The following RGS6 variants were observed in gnomAD, a reference collection of about 807,000 sequenced individuals.
RGS6 encodes regulator of G protein signaling 6.
Under a neutral mutation model 78.5 loss-of-function variants are expected in RGS6, and 30 were observed. The ratio of observed to expected loss-of-function variants is 0.38; its 90% CI spans 0.29 to 0.52. The LOEUF is 0.52. RGS6 is among the 20% of genes least tolerant of loss of function. The probability of loss-of-function intolerance (pLI) is 0.85; values close to 1 mark genes in which losing one functional copy is unlikely to be tolerated. For missense variants in RGS6, 495 were observed against 609.7 expected (o/e 0.81, Z 1.98); for synonymous variants, 206 against 206.0 (o/e 1.00, Z 0.00).
intron 2 of RGS6, among the ~76,000 whole-genome samples, chr14:72,050,794 G>GTATAGGGAGGGCTGACTTTGCGCA (rs1379958285): frequency 6.6e-6 from 1 of 152,210 alleles, no homozygotes; most frequent in Admixed American, 6.5e-5. Flanking sequence ...CAAAGCCTGT[G>GTATAGGGAGGGCTGACTTTGCGCA]TATAGGGAGG....
chr14:72,346,182 G>A (rs960817693), intron 2 of RGS6, among the ~76,000 whole-genome samples: 1 of 152,120 alleles, frequency 6.6e-6, no homozygotes, highest in Admixed American at 6.5e-5. Context: ...AGTTGTGGTA[G>A]ATTTTTTTAA....
At chr14:72,082,736 A>G (rs557975613) in intron 2 of RGS6, among the ~76,000 whole-genome samples, 93 of 152,256 alleles carry the variant, frequency 6.1e-4, no homozygotes, top group Non-Finnish European at 1.1e-3. Context: ...AATGATGGGA[A>G]AAAAACCGGA....
At chr14:72,075,199 C>T (rs1054726650) in intron 2 of RGS6, among the ~76,000 whole-genome samples, 6 of 152,156 alleles carry the variant, frequency 3.9e-5, no homozygotes, top group South Asian at 2.1e-4. Flanking sequence ...TTAGAAAACT[C>T]GCCCATTTTC....
At chr14:72,398,452 AT>A (rs1173420141) in intron 3 of RGS6, among the ~76,000 whole-genome samples, 1 of 151,518 alleles carries the variant, frequency 6.6e-6, no homozygotes, top group East Asian at 1.9e-4. Flanking sequence ...TTTCTTCTTT[AT>A]TAGTCTTGCT....
At chr14:72,410,484 A>G (rs190233818) in intron 3 of RGS6, among the ~76,000 whole-genome samples, 10 of 152,164 alleles carry the variant, frequency 6.6e-5, no homozygotes, top group East Asian at 1.9e-4. Flanking sequence ...TGTCAGATGA[A>G]TAGGTTGCAA....
At chr14:72,440,414 CTT>C (rs60589205) in intron 3 of RGS6, among the ~76,000 whole-genome samples, 54 of 131,912 alleles carry the variant, frequency 4.1e-4, no homozygotes, top group South Asian at 1.2e-3. Flanking sequence ...ACCTACACTT[CTT>C]TTTTTTTTTT....
chr14:72,047,740 T>G (rs1279998034), intron 2 of RGS6, among the ~76,000 whole-genome samples: 1 of 152,022 alleles, frequency 6.6e-6, no homozygotes, highest in Admixed American at 6.6e-5. Context: ...TTTTTCTTTT[T>G]TTTTGAGATG....
chr14:71,955,289 C>G (rs1019266779), intron 1 of RGS6, among the ~76,000 whole-genome samples: 4 of 152,110 alleles, frequency 2.6e-5, no homozygotes, highest in Non-Finnish European at 5.9e-5. Flanking sequence ...TATTAACCAT[C>G]TAATTAAGAG....
At chr14:72,043,695 C>T (rs999235520) in intron 2 of RGS6, among the ~76,000 whole-genome samples, 3 of 152,106 alleles carry the variant, frequency 2.0e-5, no homozygotes, top group Non-Finnish European at 2.9e-5. Flanking sequence ...TATGATAGCC[C>T]AGGTGTAGGT....
intron 2 of RGS6, among the ~76,000 whole-genome samples, chr14:72,017,710 G>A (rs1335902943): frequency 6.6e-6 from 1 of 152,144 alleles, no homozygotes; most frequent in Non-Finnish European, 1.5e-5. Flanking sequence ...GTGCCACCAA[G>A]AATAAGTGCT....
chr14:72,124,560 T>G (rs949449826), intron 2 of RGS6, among the ~76,000 whole-genome samples: 6 of 152,236 alleles, frequency 3.9e-5, no homozygotes, highest in African/African-American at 9.6e-5. Context: ...AAATATAATT[T>G]AATCTATTAA....
At chr14:72,276,013 G>A (rs186360418) in intron 2 of RGS6, among the ~76,000 whole-genome samples, 62 of 152,300 alleles carry the variant, frequency 4.1e-4, no homozygotes, top group Non-Finnish European at 7.2e-4. Context: ...AGAATTGGGG[G>A]AAGGAGGCAC....
At chr14:71,900,032 T>C in the RGS6 span, among the ~76,000 whole-genome samples, 1 of 152,240 alleles carries the variant, frequency 6.6e-6, no homozygotes, top group East Asian at 1.9e-4. Context: ...GACTCCTCTG[T>C]AGCGGAGTTT....
At chr14:72,143,569 T>C (rs1160991153) in intron 2 of RGS6, among the ~76,000 whole-genome samples, 2 of 152,184 alleles carry the variant, frequency 1.3e-5, no homozygotes, top group Non-Finnish European at 2.9e-5. Context: ...AAATGGCTCA[T>C]TTTGCCAAAC....
chr14:72,579,488 G>C, the RGS6 span, among the ~76,000 whole-genome samples: 3 of 152,198 alleles, frequency 2.0e-5, no homozygotes, highest in African/African-American at 7.2e-5. Context: ...AGGAAGGGGA[G>C]GAAATGTCTA....
At chr14:72,231,817 G>T (rs11847262) in intron 2 of RGS6, among the ~76,000 whole-genome samples, 8,604 of 152,102 alleles carry the variant, frequency 0.057, 439 homozygotes, top group African/African-American at 0.14. Context: ...GCTGGAGGCT[G>T]CTTCTCCCTG....
At chr14:72,055,398 A>G (rs2093568464) in intron 2 of RGS6, among the ~76,000 whole-genome samples, 1 of 152,228 alleles carries the variant, frequency 6.6e-6, no homozygotes, top group Non-Finnish European at 1.5e-5. Flanking sequence ...AAGGTAGGAA[A>G]TAGAATGTGG....
chr14:72,312,223 TTG>T (rs1399542651), intron 2 of RGS6, among the ~76,000 whole-genome samples: 129 of 98,234 alleles, frequency 1.3e-3, no homozygotes, highest in African/African-American at 5.9e-3. Flanking sequence ...GGCTGAGAAA[TTG>T]TTTTTTTTTT....
the RGS6 span, among the ~76,000 whole-genome samples, chr14:71,872,999 C>G: frequency 6.6e-6 from 1 of 152,162 alleles, no homozygotes; most frequent in African/African-American, 2.4e-5. Flanking sequence ...GCATAGTATT[C>G]CATGGTGAAT....
Sources: allele counts gnomAD v4.1 joint callset (sites outside exome capture counted in the v4.1 genomes callset), GRCh38; gene constraint gnomAD v4.1.1; transcripts MANE v1.5; gene names NCBI Gene and HGNC (gene_info 2026-07-23, HGNC 2026-07-21).